The following HECW1 variants were observed in gnomAD, a reference collection of about 807,000 sequenced individuals.
HECW1 encodes the protein HECT, C2 and WW domain containing E3 ubiquitin protein ligase 1.
HECW1 carries 61 observed loss-of-function variants against 182.3 expected under a neutral mutation model. The observed-to-expected ratio is 0.33, with a 90% confidence interval of 0.27 to 0.41. HECW1 has a LOEUF of 0.41. Among genes scored for constraint, HECW1 ranks in the 10% least tolerant of loss-of-function variants. HECW1 has a pLI of 1.00. For missense variants in HECW1, 1,739 were observed against 2,108.9 expected, an observed-to-expected ratio of 0.82 and a Z score of 3.44; for synonymous variants, 859 against 832.6, an observed-to-expected ratio of 1.03 and a Z score of -0.55.
intron 17 of HECW1, among the ~76,000 whole-genome samples, chr7:43,488,467 AGAAAGAAAG>A (rs2078788686): frequency 6.7e-6 from 1 of 149,874 alleles, no homozygotes; most frequent in Admixed American, 6.6e-5. Context: ...AAAGAAAGAA[AGAAAGAAAG>A]AAAGAAAGAA....
chr7:43,196,826 T>G (rs185874949), intron 2 of HECW1, among the ~76,000 whole-genome samples: 1 of 152,336 alleles, frequency 6.6e-6, no homozygotes, highest in Non-Finnish European at 1.5e-5. Flanking sequence ...GAAGAATAAT[T>G]TGTAATATTT....
intron 16 of HECW1, 70 bp downstream of exon 16, chr7:43,469,175 TGAG>T: frequency 6.7e-7 from 1 of 1,497,120 alleles, no homozygotes; most frequent in Non-Finnish European, 9.2e-7. Context: ...AGCAAGGGCG[TGAG>T]GAGGAGAGTG....
chr7:43,325,364 G>A (rs1163763492), intron 5 of HECW1, among the ~76,000 whole-genome samples: 4 of 152,186 alleles, frequency 2.6e-5, no homozygotes, highest in Non-Finnish European at 5.9e-5. Flanking sequence ...GACCTTCAGA[G>A]GGAGCTAGCA....
intron 2 of HECW1, among the ~76,000 whole-genome samples, chr7:43,116,441 C>G (rs1256665985): frequency 6.6e-6 from 1 of 152,182 alleles, no homozygotes; most frequent in African/African-American, 2.4e-5. Flanking sequence ...ATGGACACGT[C>G]TAGGGAATGT....
At chr7:43,269,382 T>C (rs1004948336) in intron 3 of HECW1, among the ~76,000 whole-genome samples, 1 of 152,232 alleles carries the variant, frequency 6.6e-6, no homozygotes, top group African/African-American at 2.4e-5. Flanking sequence ...CACACTTCAC[T>C]GGATGAGTTG....
intron 11 of HECW1, among the ~76,000 whole-genome samples, chr7:43,449,012 G>C (rs192964250): frequency 6.6e-6 from 1 of 152,278 alleles, no homozygotes; most frequent in African/African-American, 2.4e-5. Flanking sequence ...TTTGCTTGGG[G>C]TTCACAAGCA....
chr7:43,131,752 G>A (rs925383126), intron 2 of HECW1, among the ~76,000 whole-genome samples: 8 of 152,210 alleles, frequency 5.3e-5, no homozygotes, highest in Non-Finnish European at 2.9e-5. Context: ...TTTGCCAAAG[G>A]AAGAGGGATA....
At chr7:43,287,069 T>C (rs1177687505) in intron 3 of HECW1, among the ~76,000 whole-genome samples, 1 of 152,084 alleles carries the variant, frequency 6.6e-6, no homozygotes, top group East Asian at 1.9e-4. Flanking sequence ...TACGTAGTAG[T>C]GAACGTAACA....
intron 2 of HECW1, among the ~76,000 whole-genome samples, chr7:43,120,899 G>A (rs1785537403): frequency 6.6e-6 from 1 of 152,018 alleles, no homozygotes; most frequent in African/African-American, 2.4e-5. Context: ...AAATCTGAGT[G>A]ATCTGTAATC....
intron 14 of HECW1, among the ~76,000 whole-genome samples, chr7:43,465,544 A>G (rs2077735520): frequency 6.6e-6 from 1 of 152,218 alleles, no homozygotes; most frequent in Non-Finnish European, 1.5e-5. Flanking sequence ...ACCCTGATGC[A>G]GAACTGACCC....
At position 43,474,305 on chromosome 7, in the gene HECW1, T is replaced by C. The variant is rs549087190; in HGVS notation, c.3099+5200T>C. ...TCTACTAAAAATACAAAAAATTAGC[T>C]GGGCATGGTGGCGGGTGCCTGTAGT... On this transcript the variant is annotated intron_variant, in intron 16 of 29. Transcript: ENST00000395891. Among the ~76,000 whole-genome samples the C allele has an allele frequency of 2.3e-4, 35 of 151,996 alleles. No homozygotes were observed. The South Asian group carries it at 3.7e-3, about 16-fold the overall frequency.
intron 5 of HECW1, among the ~76,000 whole-genome samples, chr7:43,321,896 A>G (rs975674296): frequency 6.6e-6 from 1 of 152,170 alleles, no homozygotes; most frequent in Non-Finnish European, 1.5e-5. Context: ...AACTTATGGT[A>G]TCCCCGCTCC....
At chr7:43,425,402 A>G (rs1479575920) in intron 8 of HECW1, among the ~76,000 whole-genome samples, 6 of 152,158 alleles carry the variant, frequency 3.9e-5, no homozygotes, top group Non-Finnish European at 7.4e-5. Context: ...GGCATATTCC[A>G]TAACCTTCTG....
intron 5 of HECW1, among the ~76,000 whole-genome samples, chr7:43,340,204 C>T (rs886524504): frequency 2.1e-5 from 3 of 143,068 alleles, no homozygotes; most frequent in Non-Finnish European, 4.6e-5. Flanking sequence ...AAGAAGAAGT[C>T]TCTAATTCCC....
intron 6 of HECW1, among the ~76,000 whole-genome samples, chr7:43,385,825 A>T (rs954886144): frequency 9.2e-5 from 14 of 152,264 alleles, no homozygotes; most frequent in African/African-American, 3.1e-4. Context: ...GTTACAAATT[A>T]TCACAAAGTT....
intron 2 of HECW1, among the ~76,000 whole-genome samples, chr7:43,203,814 A>T (rs1429674328): frequency 6.6e-6 from 1 of 152,156 alleles, no homozygotes; most frequent in Non-Finnish European, 1.5e-5. Flanking sequence ...TATCAAAAGG[A>T]TTATTGTATT....
intron 4 of HECW1, among the ~76,000 whole-genome samples, chr7:43,320,146 C>T (rs1293800026): frequency 2.0e-5 from 3 of 152,106 alleles, no homozygotes; most frequent in East Asian, 1.9e-4. Flanking sequence ...TTCATGGGTG[C>T]GACCATGTAT....
chr7:43,125,354 G>C (rs1261995436), intron 2 of HECW1, among the ~76,000 whole-genome samples: 1 of 152,210 alleles, frequency 6.6e-6, no homozygotes, highest in Non-Finnish European at 1.5e-5. Context: ...ATGTGGCAGA[G>C]GGGCTTGGCA....
intron 16 of HECW1, among the ~76,000 whole-genome samples, chr7:43,472,355 C>T (rs912272884): frequency 2.6e-5 from 4 of 152,242 alleles, no homozygotes; most frequent in South Asian, 2.1e-4. Flanking sequence ...CCCCATGTCA[C>T]TTACACATTT....
Sources: gnomAD v4.1 joint callset for allele counts (sites outside exome capture counted in the v4.1 genomes callset) on GRCh38, gnomAD v4.1.1 for gene constraint, MANE v1.5 for transcripts, NCBI Gene and HGNC (gene_info 2026-07-23, HGNC 2026-07-21) for gene names.